Variants in CLIP4 observed in about 807,000 individuals in gnomAD.
CLIP4 encodes the protein CAP-Gly domain containing linker protein family member 4.
In CLIP4, 47 loss-of-function variants were observed where a neutral mutation model predicts 73.1. That is an observed-to-expected ratio of 0.64 (90% CI 0.51 to 0.82). The LOEUF (loss-of-function observed/expected upper bound fraction) is 0.82. Among genes scored for constraint, CLIP4 ranks in the 40% least tolerant of loss-of-function variants. The pLI, the probability that CLIP4 is intolerant of heterozygous loss-of-function variation, is 0.00. For synonymous variants in CLIP4, 306 were observed against 295.4 expected (o/e 1.04, Z -0.37); for missense variants, 874 against 852.9 (o/e 1.02, Z -0.31).
chr2:29,100,138 C>T (rs1402718854), intron 1 of CLIP4, among the ~76,000 whole-genome samples: 1 of 151,754 alleles, frequency 6.6e-6, no homozygotes, highest in Admixed American at 6.6e-5. Flanking sequence ...CCGTGTTGCC[C>T]AGGCTGGTCT....
chr2:29,170,671 T>A (rs891068433), intron 14 of CLIP4, among the ~76,000 whole-genome samples: 2 of 152,186 alleles, frequency 1.3e-5, no homozygotes, highest in African/African-American at 4.8e-5. Flanking sequence ...AAAGTCATCA[T>A]CAAACCCAAG....
rs143693388 is a variant in CLIP4, at chr2:29,137,399, C to T, written c.648+1733C>T. ...ACTGTGTAGTATGCCCTATATGTAC[C>T]GCATTTTCTTTATCCAGTCCACTAT... is the stretch of plus-strand genomic sequence containing the variant. On this transcript the variant is annotated intron_variant, in intron 6 of 15. Coordinates refer to ENST00000320081, the MANE Select transcript of CLIP4 (RefSeq NM_024692.6). 6.3e-3 allele frequency among the ~76,000 whole-genome samples: 959 copies of T among 152,182 alleles called. 10 individuals carry two copies. Among genetic ancestry groups the T allele is most frequent in the Middle Eastern group, 0.02 (6 of 294 alleles).
chr2:29,164,187 A>G (rs1198382215), intron 13 of CLIP4, among the ~76,000 whole-genome samples: 2 of 152,192 alleles, frequency 1.3e-5, no homozygotes, highest in African/African-American at 4.8e-5. Flanking sequence ...CCCTATGAGT[A>G]TGTGTAGGCT....
intron 15 of CLIP4, chr2:29,175,646 C>T (rs1221538493): frequency 1.3e-5 from 2 of 152,194 alleles, no homozygotes; most frequent in African/African-American, 4.8e-5. Flanking sequence ...GTGGAAATAT[C>T]AGTACTTCCC....
intron 11 of CLIP4, among the ~76,000 whole-genome samples, chr2:29,160,104 C>T (rs1456620563): frequency 6.6e-6 from 1 of 152,162 alleles, no homozygotes; most frequent in African/African-American, 2.4e-5. Flanking sequence ...CAGTAATTTT[C>T]CCAGGAAACT....
At chr2:29,137,240 C>T (rs1454762832) in intron 6 of CLIP4, among the ~76,000 whole-genome samples, 1 of 152,046 alleles carries the variant, frequency 6.6e-6, no homozygotes, top group Non-Finnish European at 1.5e-5. Flanking sequence ...TCTGTGTGTA[C>T]CCAGTGTTCA....
intron 6 of CLIP4, among the ~76,000 whole-genome samples, chr2:29,136,626 G>A (rs1040031459): frequency 1.3e-5 from 2 of 152,070 alleles, no homozygotes; most frequent in African/African-American, 4.8e-5. Flanking sequence ...GAGGGCCATG[G>A]GGTCATCTTC....
At chr2:29,107,380 T>TTTTTGTTTTTTTTG in intron 1 of CLIP4, among the ~76,000 whole-genome samples, 1 of 130,812 alleles carries the variant, frequency 7.6e-6, no homozygotes, top group African/African-American at 3.0e-5. Flanking sequence ...TTTTTTTTTT[T>TTTTTGTTTTTTTTG]TTTTTTTTTG....
chr2:29,181,724 C>T lies in CLIP4; in HGVS notation c.1949C>T (p.Ser650Leu). ...TATGTGGGCCCCACTGACTTTGCTT[C>T]AGGTATCTGGCTTGGACTTGAGCTC... is the stretch of plus-strand genomic sequence containing the variant. ...VRYVGPTDFASGIWLGLELRS... is the reference protein window; with the variant it reads ...VRYVGPTDFALGIWLGLELRS... The change falls in exon 16 of 16, where the codon TCA becomes TTA. Residue 650 changes from serine (S) to leucine (L), a missense_variant. By Grantham distance (145) the Ser-to-Leu change is moderately radical. Transcript: ENST00000320081. 2 of 1,614,136 alleles carry T rather than the reference C, an allele frequency of 1.2e-6. No individual in the cohort carries two copies. The highest frequency in any genetic ancestry group is 1.7e-6 in the Non-Finnish European group (2 of 1,180,014).
Position 29,181,905 on chromosome 2 carries a change from A to G in CLIP4, c.*12A>G. On this transcript the variant is annotated 3_prime_UTR_variant, in exon 16 of 16. Transcript: ENST00000320081. ...ATGAGAATTGTTAAGCTTCTAAAAT[A>G]TTAAATAAGCTCAAATATATATATT... 6.4e-7 allele frequency: 1 copy of G among 1,574,042 alleles called. No homozygotes were observed. Among genetic ancestry groups the G allele is most frequent in the Non-Finnish European group, 8.7e-7 (1 of 1,155,908 alleles).
chr2:29,173,983 A>G (rs995019957), intron 14 of CLIP4, among the ~76,000 whole-genome samples: 2 of 152,222 alleles, frequency 1.3e-5, no homozygotes, highest in African/African-American at 4.8e-5. Flanking sequence ...AAATCTTATA[A>G]TGAAATTCTC....
intron 13 of CLIP4, among the ~76,000 whole-genome samples, chr2:29,166,096 A>T (rs957716513): frequency 6.6e-6 from 1 of 152,084 alleles, no homozygotes; most frequent in African/African-American, 2.4e-5. Context: ...TTTAGCACTT[A>T]TGCTGTGCTA....
intron 6 of CLIP4, among the ~76,000 whole-genome samples, chr2:29,141,230 A>T (rs1007182498): frequency 2.0e-5 from 3 of 151,918 alleles, no homozygotes; most frequent in African/African-American, 2.4e-5. Flanking sequence ...ATTTGTTGAG[A>T]CTTGCTTTAT....
At chr2:29,126,714 G>C (rs1016977240) in intron 2 of CLIP4, among the ~76,000 whole-genome samples, 1 of 152,220 alleles carries the variant, frequency 6.6e-6, no homozygotes, top group African/African-American at 2.4e-5. Flanking sequence ...GATGTCATCA[G>C]ATGTTTTGGT....
chr2:29,156,265 C>T (rs1666915678), intron 9 of CLIP4, 89 bp from the exon 10 acceptor site: 5 of 789,030 alleles, frequency 6.3e-6, no homozygotes, highest in East Asian at 3.0e-5. Context: ...AGTGAGATTT[C>T]GATAATGAGG....
chr2:29,150,223 G>C (rs1666462428), intron 8 of CLIP4, among the ~76,000 whole-genome samples: 1 of 152,172 alleles, frequency 6.6e-6, no homozygotes, highest in Non-Finnish European at 1.5e-5. Flanking sequence ...TTTGTTAGGG[G>C]GAAGGTTCAC....
chr2:29,132,175 GAATGA>G lies in CLIP4; in HGVS notation c.298_302del (p.Asn100Ter). 1.2e-6 allele frequency: 2 copies of G among 1,613,734 alleles called. No homozygotes were observed. The highest frequency in any genetic ancestry group is 8.5e-7 in the Non-Finnish European group (1 of 1,179,726). ...AGATTCTTAAGAGAGGTTGCAATGT[GAATGA>G]TAGAGATGGATTGACAGATATGACT... On this transcript the variant is annotated frameshift_variant, in exon 4 of 16. Transcript: ENST00000320081. LOFTEE classifies it high-confidence loss of function.
chr2:29,107,922 C>T (rs1180661715), intron 1 of CLIP4, among the ~76,000 whole-genome samples: 1 of 152,090 alleles, frequency 6.6e-6, no homozygotes, highest in East Asian at 1.9e-4. Flanking sequence ...TACTATGTGC[C>T]AGATACTATT....
At chr2:29,143,667 C>G (rs781158936) in intron 6 of CLIP4, 42 bp from the exon 7 acceptor site, 5 of 1,304,722 alleles carry the variant, frequency 3.8e-6, no homozygotes, top group Admixed American at 1.7e-5. Flanking sequence ...TTCTAGTGCT[C>G]TAAGTAAGAG....
Sources: allele counts gnomAD v4.1 joint callset (sites outside exome capture counted in the v4.1 genomes callset), GRCh38; gene constraint gnomAD v4.1.1; transcripts MANE v1.5; gene names NCBI Gene and HGNC (gene_info 2026-07-23, HGNC 2026-07-21).